TTYH2: variants seen among roughly 807,000 people sequenced by gnomAD.
TTYH2 encodes protein tweety homolog 2.
TTYH2 carries 49 observed loss-of-function variants against 68.3 expected under a neutral mutation model. The observed-to-expected ratio is 0.72, with a 90% CI of 0.57 to 0.91. The LOEUF (loss-of-function observed/expected upper bound fraction) is 0.91. Ranked by LOEUF, TTYH2 falls within the 40% of genes least tolerant of loss-of-function variation. TTYH2 has a pLI of 0.00. For missense variants in TTYH2, 631 were observed against 700.4 expected, an observed-to-expected ratio of 0.90 and a Z score of 1.12; for synonymous variants, 272 against 300.8, an observed-to-expected ratio of 0.90 and a Z score of 0.99.
intron 6 of TTYH2, 182 bp from the exon 7 acceptor site, chr17:74,248,829 C>A (rs994096479): frequency 2.9e-5 from 42 of 1,430,148 alleles, no homozygotes; most frequent in Non-Finnish European, 3.7e-5. Flanking sequence ...GTAACTTGTC[C>A]AAGGCAACAG....
chr17:74,232,706 G>A lies in TTYH2; in HGVS notation c.414+1707G>A, dbSNP rs1027980597. ...CCCACCAGCACCAGGATCACTGGAG[G>A]AGGAACCTAGCCCCGAGAGGAAAAT... is the stretch of plus-strand genomic sequence containing the variant. On this transcript the variant is annotated intron_variant, in intron 3 of 13. Transcript: ENST00000269346. The surrounding 1 kb of genome is among the most constrained non-coding windows in gnomAD (Gnocchi z 5.1). 5.3e-5 allele frequency among the ~76,000 whole-genome samples: 8 copies of A among 152,202 alleles called. No individual in the cohort carries two copies. The highest frequency in any genetic ancestry group is 1.9e-4 in the African/African-American group (8 of 41,444).
rs76133419 is a variant in TTYH2, at chr17:74,230,997, C to G, written c.412C>G (p.Leu138Val). Residue 138 changes from leucine to valine, a missense_variant and splice_region_variant, in exon 3 of 14, where the codon CTG (leucine) becomes GTG (valine). Physicochemically the swap from Leu to Val is conservative, Grantham distance 32. Transcript: ENST00000269346. ...CCACACCTTCTCTGGGATCGATGCT[C>G]TGGTAAGGCTCCCGGGCAGCTGGCC... The part of the protein sequence containing the change: ...ANHTFSGIDA[L>V]VSGTTQKMKV... 3.3e-4 allele frequency: 536 copies of G among 1,613,740 alleles called. No homozygotes were observed. The African/African-American group carries it at 5.8e-3, about 18-fold the overall frequency.
At chr17:74,245,098 G>A (rs911447001) in intron 6 of TTYH2, among the ~76,000 whole-genome samples, 2 of 152,158 alleles carry the variant, frequency 1.3e-5, no homozygotes, top group Admixed American at 6.5e-5. Context: ...TGACTTGGGG[G>A]CTGGCCACTA....
chr17:74,239,317 C>T lies in TTYH2; in HGVS notation c.635+1803C>T, dbSNP rs1026110841. 1.5e-4 allele frequency among the ~76,000 whole-genome samples: 23 copies of T among 152,168 alleles called. No homozygotes were observed. The highest frequency in any genetic ancestry group is 6.6e-5 in the Admixed American group (1 of 15,266). On this transcript the variant is annotated intron_variant, in intron 4 of 13. Coordinates refer to ENST00000269346, the MANE Select transcript of TTYH2 (RefSeq NM_032646.6). This position sits in a 1 kb window ranked among gnomAD's most constrained non-coding sequence, Gnocchi z 5.3. ...TGGCCTGGGCTTGTGCTCCCAGGGCCCGGGCCTAGCATGGAGGAGGCACGT... is the reference window on the plus strand; with the variant it reads ...TGGCCTGGGCTTGTGCTCCCAGGGCTCGGGCCTAGCATGGAGGAGGCACGT...
At chr17:74,238,867 CAA>C (rs56366411) in intron 4 of TTYH2, among the ~76,000 whole-genome samples, 37 of 131,148 alleles carry the variant, frequency 2.8e-4, no homozygotes, top group African/African-American at 5.6e-4. Context: ...AACTCCATCT[CAA>C]AAAAAAAAAA....
At position 74,237,265 on chromosome 17, in the gene TTYH2, C is replaced by G. The variant is rs779116502; in HGVS notation, c.415-29C>G. 5 of 1,608,804 alleles carry G rather than the reference C, an allele frequency of 3.1e-6. No individual in the cohort carries two copies. The South Asian group carries it at 5.5e-5, about 18-fold the overall frequency. On this transcript the variant is annotated intron_variant, in intron 3 of 13. Coordinates refer to ENST00000269346, the MANE Select transcript of TTYH2 (RefSeq NM_032646.6). ...GGATGAGAATCAGAAGCTCTACCTC[C>G]ATGGCTTTTGCCCCCTGCTCCTCCC...
Position 74,260,379 on chromosome 17 carries a change from C to T in TTYH2, c.*170C>T. 1.5e-6 allele frequency: 1 copy of T among 659,660 alleles called. No individual in the cohort carries two copies. The highest frequency in any genetic ancestry group is 2.7e-6 in the Non-Finnish European group (1 of 375,406). The allele number at this position is 659,660 out of a possible 1,614,324, so 40.9% of individuals were successfully genotyped here. A position where few individuals can be genotyped will look rare whatever the true frequency, so the allele number is the denominator to read the frequency against. ...CCAAAGCCCCAGGGGGTGCAGAAGA[C>T]TCACCACGCGGGCCAGCCTCTCTCT... On this transcript the variant is annotated 3_prime_UTR_variant, in exon 14 of 14. Coordinates refer to ENST00000269346, the MANE Select transcript of TTYH2 (RefSeq NM_032646.6).
At chr17:74,258,322 G>C (rs985305143) in intron 13 of TTYH2, among the ~76,000 whole-genome samples, 5 of 151,898 alleles carry the variant, frequency 3.3e-5, no homozygotes, top group East Asian at 3.9e-4. Context: ...CTGGAGTGCA[G>C]TGGCATAATC....
At chr17:74,216,368 A>C (rs1027278325) in intron 1 of TTYH2, among the ~76,000 whole-genome samples, 1 of 152,162 alleles carries the variant, frequency 6.6e-6, no homozygotes, top group Admixed American at 6.5e-5. Context: ...GCAAGGATGG[A>C]AACAGGCAGG....
rs1036692433 is a variant in TTYH2, at chr17:74,252,217, C to A, written c.1117-17C>A. The A allele has an allele frequency of 5.0e-6, 8 of 1,611,226 alleles. No individual in the cohort carries two copies. Among genetic ancestry groups the A allele is most frequent in the African/African-American group, 4.0e-5 (3 of 74,948 alleles). On this transcript the variant is annotated splice_polypyrimidine_tract_variant and intron_variant, in intron 10 of 13. Coordinates refer to ENST00000269346, the MANE Select transcript of TTYH2 (RefSeq NM_032646.6). ...CCCCGCTCCTTCACTAGCTGCATGTCCCTCCTCTTCCTCCAGGATTATCTG... is the reference window on the plus strand; with the variant it reads ...CCCCGCTCCTTCACTAGCTGCATGTACCTCCTCTTCCTCCAGGATTATCTG...
rs958611942 is a variant in TTYH2 at position 74,217,970 on chromosome 17, C to G, written c.129+4254C>G. Among the ~76,000 whole-genome samples, 1 of 151,694 alleles carries G rather than the reference C, an allele frequency of 6.6e-6. No individual in the cohort carries two copies. The highest frequency in any genetic ancestry group is 2.0e-4 in the East Asian group (1 of 5,016). Reference sequence around the variant, plus strand: ...GGTGGCTGCAGGGCACAGTGGGAGGCGTGGGGAGGCGTGGGAAATTGTCTT... The same window carrying G: ...GGTGGCTGCAGGGCACAGTGGGAGGGGTGGGGAGGCGTGGGAAATTGTCTT... On this transcript the variant is annotated intron_variant, in intron 1 of 13. Coordinates refer to ENST00000269346, the MANE Select transcript of TTYH2 (RefSeq NM_032646.6). This position sits in a 1 kb window ranked among gnomAD's most constrained non-coding sequence, Gnocchi z 4.0.
chr17:74,248,988 C>T (rs1172966426), intron 6 of TTYH2, 23 bp from the exon 7 acceptor site: 1 of 1,614,052 alleles, frequency 6.2e-7, no homozygotes, highest in Non-Finnish European at 8.5e-7. Flanking sequence ...TTCCTCCACC[C>T]CGTCCCTCTC....
In TTYH2 at chr17:74,237,361, T is replaced by C; in HGVS notation, c.482T>C (p.Phe161Ser). The C allele has an allele frequency of 6.2e-7, 1 of 1,614,140 alleles. No individual in the cohort carries two copies. Among genetic ancestry groups the C allele is most frequent in the East Asian group, 2.2e-5 (1 of 44,880 alleles). ...EQHLARLSEI[F>S]AARGDYLQTL... ...CACCTGGCCCGGCTCAGTGAGATCTTTGCTGCCCGGGGCGATTACCTGCAG... is the reference window on the plus strand; with the variant it reads ...CACCTGGCCCGGCTCAGTGAGATCTCTGCTGCCCGGGGCGATTACCTGCAG... Residue 161 changes from phenylalanine to serine, a missense_variant, in exon 4 of 14, where the codon TTT becomes TCT. Transcript: ENST00000269346.
At chr17:74,235,615 C>T (rs1454090784) in intron 3 of TTYH2, among the ~76,000 whole-genome samples, 4 of 152,284 alleles carry the variant, frequency 2.6e-5, no homozygotes, top group South Asian at 4.1e-4. Flanking sequence ...CATGGCCGGG[C>T]GTGGTGGCTC....
intron 6 of TTYH2, chr17:74,248,282 C>T (rs2050581574): frequency 3.0e-6 from 3 of 985,548 alleles, no homozygotes; most frequent in Admixed American, 1.2e-4. Flanking sequence ...ATCTGGGGTG[C>T]GCCTGGCTTG....
chr17:74,241,262 C>CGTGTGT lies in TTYH2; in HGVS notation c.636-2082_636-2077dup, dbSNP rs199960092. On this transcript the variant is annotated intron_variant, in intron 4 of 13. Transcript: ENST00000269346. The surrounding 1 kb of genome is among the most constrained non-coding windows in gnomAD (Gnocchi z 4.1). ...ATAGACAGACCCGGTATTTATAATACGTGTGTGTGTGTGTGTGTGTGTGTG... is the reference window on the plus strand; with the variant it reads ...ATAGACAGACCCGGTATTTATAATACGTGTGTGTGTGTGTGTGTGTGTGTGTGTGTG... 5.0e-3 allele frequency among the ~76,000 whole-genome samples: 717 copies of CGTGTGT among 144,790 alleles called. 2 individuals carry two copies. The highest frequency in any genetic ancestry group is 0.025 in the East Asian group (122 of 4,832). 95.0% of individuals were successfully genotyped at this position (144,790 alleles called of 152,430 possible).
chr17:74,221,239 G>A (rs1347099207), intron 1 of TTYH2, among the ~76,000 whole-genome samples: 1 of 152,188 alleles, frequency 6.6e-6, no homozygotes, highest in African/African-American at 2.4e-5. Context: ...TCAGAGGCCC[G>A]AAGACCTGCC....
chr17:74,252,188 T>C, intron 10 of TTYH2, 46 bp from the exon 11 acceptor site: 1 of 1,605,882 alleles, frequency 6.2e-7, no homozygotes, highest in South Asian at 1.1e-5. Context: ...CCCGCAGGCT[T>C]TGCCCCCGCT....
At chr17:74,227,919 A>C (rs2143731126) in intron 2 of TTYH2, among the ~76,000 whole-genome samples, 1 of 151,632 alleles carries the variant, frequency 6.6e-6, no homozygotes, top group East Asian at 1.9e-4. Context: ...TGAGGACCAC[A>C]TCCTGAAAAA....
Sources: gnomAD v4.1 joint callset for allele counts (sites outside exome capture counted in the v4.1 genomes callset) on GRCh38, gnomAD v4.1.1 for gene constraint, Gnocchi (gnomAD v3.1) non-coding constraint, MANE v1.5 for transcripts, NCBI Gene and HGNC (gene_info 2026-07-23, HGNC 2026-07-21) for gene names.